Variants in AXIN1 observed in about 807,000 individuals in gnomAD.
The protein encoded by AXIN1 is axin-1.
Under a neutral mutation model 76.4 loss-of-function variants are expected in AXIN1, and 30 were observed. The observed-to-expected ratio is 0.39, with a 90% confidence interval of 0.29 to 0.53. The LOEUF (loss-of-function observed/expected upper bound fraction) is 0.53, where lower values mean the gene tolerates loss of function less well. Among genes scored for constraint, AXIN1 ranks in the 20% least tolerant of loss-of-function variants. The probability of loss-of-function intolerance (pLI) is 0.66; values close to 1 mark genes in which losing one functional copy is unlikely to be tolerated. For synonymous variants in AXIN1, 545 were observed against 501.4 expected (o/e 1.09, Z -1.16); for missense variants, 1,140 against 1,198.8 (o/e 0.95, Z 0.72).
chr16:287,893 G>A lies in AXIN1; in HGVS notation c.*229C>T. On this transcript the variant is annotated 3_prime_UTR_variant, in exon 11 of 11. Transcript: ENST00000262320. ...GCCTCACTTGGGCTGGGCCCTCCAA[G>A]TATTGCTATGAGGAGTGGTCCAGGC... The A allele has an allele frequency of 1.5e-6, 1 of 655,576 alleles. No homozygotes were observed. Among genetic ancestry groups the A allele is most frequent in the South Asian group, 1.8e-5 (1 of 55,214 alleles). The allele number at this position is 655,576 out of a possible 1,614,324, so 40.6% of individuals were successfully genotyped here.
At chr16:326,897 T>C (rs1356262044) in intron 2 of AXIN1, among the ~76,000 whole-genome samples, 3 of 149,328 alleles carry the variant, frequency 2.0e-5, no homozygotes, top group South Asian at 2.1e-4. Flanking sequence ...TCCCAACAGT[T>C]TGGGAGGCCG....
chr16:293,690 G>A lies in AXIN1; in HGVS notation c.1984C>T (p.His662Tyr). The change falls in exon 8 of 11, where the codon CAT becomes TAT. Residue 662 changes from histidine to tyrosine, a missense_variant. His to Tyr is a moderately conservative substitution (Grantham distance 83). Transcript: ENST00000262320. This position sits in a 1 kb window ranked among gnomAD's most constrained non-coding sequence, Gnocchi z 4.6. ...AGGGACAAGGGTCTGGAGTTCTCAT[G>A]GGGCTGTGGCTTCCTCGTCCCCGAA... ...GSSGTRKPQPHENSRPLSLEH... is the reference protein window; with the variant it reads ...GSSGTRKPQPYENSRPLSLEH... 1.2e-6 allele frequency: 2 copies of A among 1,613,738 alleles called. No individual in the cohort carries two copies. Among genetic ancestry groups the A allele is most frequent in the Non-Finnish European group, 1.7e-6 (2 of 1,180,012 alleles).
In AXIN1 at chr16:349,897, C is replaced by T. The variant is rs535532763; in HGVS notation, c.-82+2472G>A. On this transcript the variant is annotated intron_variant, in intron 1 of 10. Coordinates refer to ENST00000262320, the MANE Select transcript of AXIN1 (RefSeq NM_003502.4). Reference sequence around the variant, plus strand: ...CACTGCAGCCTCAGCTTCCCAGGCTCAAGCAATTCTCCAGCCTCAGCCTCT... The same window carrying T: ...CACTGCAGCCTCAGCTTCCCAGGCTTAAGCAATTCTCCAGCCTCAGCCTCT... Among the ~76,000 whole-genome samples the T allele has an allele frequency of 6.6e-5, 10 of 152,290 alleles. No individual in the cohort carries two copies. The East Asian group carries it at 1.9e-3, about 29-fold the overall frequency.
At chr16:321,807 G>T (rs952174746) in intron 2 of AXIN1, among the ~76,000 whole-genome samples, 1 of 152,218 alleles carries the variant, frequency 6.6e-6, no homozygotes, top group African/African-American at 2.4e-5. Flanking sequence ...CTGGGAATAT[G>T]AGGTGGAAAG....
chr16:347,560 A>G (rs771657878), intron 1 of AXIN1, among the ~76,000 whole-genome samples: 3 of 152,224 alleles, frequency 2.0e-5, no homozygotes, highest in Non-Finnish European at 4.4e-5. Context: ...CAGCCCCAGC[A>G]ACACTCAGAG....
At chr16:300,652 G>A (rs919476572) in intron 5 of AXIN1, among the ~76,000 whole-genome samples, 1 of 152,158 alleles carries the variant, frequency 6.6e-6, no homozygotes, top group African/African-American at 2.4e-5. Flanking sequence ...GGTGAAATAT[G>A]GCACTAAAGA....
chr16:290,169 G>A (rs373405588), intron 9 of AXIN1: 155 of 166,522 alleles, frequency 9.3e-4, no homozygotes, highest in African/African-American at 3.2e-3. Flanking sequence ...CCGGGATGAC[G>A]GGCGGGGCCT....
intron 2 of AXIN1, among the ~76,000 whole-genome samples, chr16:345,775 C>G (rs1255277036): frequency 6.6e-6 from 1 of 151,988 alleles, no homozygotes; most frequent in Non-Finnish European, 1.5e-5. Context: ...GAAACGTCCA[C>G]TCCTCCCTTT....
intron 5 of AXIN1, among the ~76,000 whole-genome samples, chr16:301,208 T>C (rs1186144780): frequency 6.6e-6 from 1 of 151,734 alleles, no homozygotes. Flanking sequence ...GAGGCAGAGC[T>C]TGCAGTGAGC....
chr16:347,991 T>C (rs1401609140), intron 1 of AXIN1, among the ~76,000 whole-genome samples: 1 of 152,240 alleles, frequency 6.6e-6, no homozygotes, highest in Non-Finnish European at 1.5e-5. Context: ...AAGGAAGCTA[T>C]AGTTCATGTG....
chr16:295,211 C>A (rs998112158), intron 7 of AXIN1, among the ~76,000 whole-genome samples: 16 of 151,140 alleles, frequency 1.1e-4, no homozygotes, highest in African/African-American at 3.9e-4. Flanking sequence ...GTTCAAGCGA[C>A]TCTCCTGCCT....
At chr16:318,331 G>A (rs141948193) in intron 2 of AXIN1, among the ~76,000 whole-genome samples, 250 of 152,332 alleles carry the variant, frequency 1.6e-3, no homozygotes, top group African/African-American at 5.6e-3. Context: ...CACACAGCAA[G>A]TTCCACTGCA....
At chr16:311,322 G>A (rs909083268) in intron 3 of AXIN1, among the ~76,000 whole-genome samples, 18 of 151,862 alleles carry the variant, frequency 1.2e-4, no homozygotes, top group Admixed American at 6.6e-4. Context: ...GCGCCACCGC[G>A]CCCAGCCCGC....
In AXIN1 at chr16:293,258, C is replaced by T. The variant is rs894983485; in HGVS notation, c.2186+230G>A. The T allele has an allele frequency of 2.0e-5, 12 of 591,088 alleles. No individual in the cohort carries two copies. The highest frequency in any genetic ancestry group is 3.0e-5 in the Non-Finnish European group (10 of 331,864). 36.6% of individuals were successfully genotyped at this position (591,088 alleles called of 1,614,324 possible). A position where few individuals can be genotyped will look rare whatever the true frequency, so the allele number is the denominator to read the frequency against. On this transcript the variant is annotated intron_variant, in intron 8 of 10. Coordinates refer to ENST00000262320, the MANE Select transcript of AXIN1 (RefSeq NM_003502.4). This position sits in a 1 kb window ranked among gnomAD's most constrained non-coding sequence, Gnocchi z 4.6. ...GGGACCCCGCCTCCAGAGCAATGAG[C>T]GCGGCGGCCTCGGGTGTGTGAAAGC... is the stretch of plus-strand genomic sequence containing the variant.
chr16:308,567 T>C (rs969647821), intron 4 of AXIN1, among the ~76,000 whole-genome samples: 2 of 152,244 alleles, frequency 1.3e-5, no homozygotes, highest in African/African-American at 4.8e-5. Context: ...AGCTGTCTTG[T>C]CTCTCGGGCC....
chr16:298,347 T>C lies in AXIN1; in HGVS notation c.1255-96A>G. 5 of 1,512,848 alleles carry C rather than the reference T, an allele frequency of 3.3e-6. No homozygotes were observed. The Admixed American group carries it at 7.8e-5, about 24-fold the overall frequency. The allele number at this position is 1,512,848 out of a possible 1,614,324, so 93.7% of individuals were successfully genotyped here. On this transcript the variant is annotated intron_variant, in intron 5 of 10. Coordinates refer to ENST00000262320, the MANE Select transcript of AXIN1 (RefSeq NM_003502.4). Reference sequence around the variant, plus strand: ...GGCCTGACCCAGCAGCCCCAGCAGATGCCGTCCCAGCCCAGGGTGGCCGGG... The same window carrying C: ...GGCCTGACCCAGCAGCCCCAGCAGACGCCGTCCCAGCCCAGGGTGGCCGGG...
At chr16:318,175 G>A (rs1002897731) in intron 2 of AXIN1, among the ~76,000 whole-genome samples, 3 of 152,248 alleles carry the variant, frequency 2.0e-5, no homozygotes, top group African/African-American at 4.8e-5. Flanking sequence ...ACAGCAGAAC[G>A]AAGCCTTCTG....
chr16:305,572 C>G (rs904253905), intron 4 of AXIN1, among the ~76,000 whole-genome samples: 2 of 152,094 alleles, frequency 1.3e-5, no homozygotes, highest in African/African-American at 4.8e-5. Context: ...GAGACAGGGT[C>G]TCGCTCTGTC....
chr16:315,688 G>A (rs893026200), intron 2 of AXIN1, among the ~76,000 whole-genome samples: 5 of 152,088 alleles, frequency 3.3e-5, no homozygotes, highest in African/African-American at 9.7e-5. Flanking sequence ...TTAGCTGGGC[G>A]TGGTGGCGGG....
Sources: allele counts gnomAD v4.1 joint callset (sites outside exome capture counted in the v4.1 genomes callset), GRCh38; gene constraint gnomAD v4.1.1; non-coding constraint Gnocchi (gnomAD v3.1); transcripts MANE v1.5; gene names NCBI Gene and HGNC (gene_info 2026-07-23, HGNC 2026-07-21).